TBC1D1: variants seen among roughly 807,000 people sequenced by gnomAD.
TBC1D1 encodes the protein TBC1 domain family member 1.
In TBC1D1, 89 loss-of-function variants were observed where a neutral mutation model predicts 125.6. The observed-to-expected ratio is 0.71, with a 90% CI of 0.60 to 0.85. TBC1D1 has a LOEUF of 0.85. Ranked by LOEUF, TBC1D1 falls within the 40% of genes least tolerant of loss-of-function variation. The pLI is 0.00. For synonymous variants in TBC1D1, 565 were observed against 564.1 expected (o/e 1.00, Z -0.02); for missense variants, 1,377 against 1,469.2 (o/e 0.94, Z 1.03).
At chr4:37,920,894 A>G (rs1411260417) in intron 2 of TBC1D1, among the ~76,000 whole-genome samples, 2 of 152,080 alleles carry the variant, frequency 1.3e-5, no homozygotes, top group Non-Finnish European at 1.5e-5. Context: ...GCCGATCACG[A>G]GGCCAGGAGA....
intron 14 of TBC1D1, among the ~76,000 whole-genome samples, chr4:38,098,340 C>G (rs1171345335): frequency 6.6e-6 from 1 of 152,228 alleles, no homozygotes; most frequent in Non-Finnish European, 1.5e-5. Flanking sequence ...TGATCACCTT[C>G]AGGTGTCTTT....
intron 8 of TBC1D1, among the ~76,000 whole-genome samples, chr4:38,043,452 A>C (rs1192891845): frequency 6.6e-6 from 1 of 151,852 alleles, no homozygotes; most frequent in Non-Finnish European, 1.5e-5. Flanking sequence ...ACAAAAAATT[A>C]GCTGTGTGTA....
chr4:37,932,583 T>G (rs561207077), intron 2 of TBC1D1, among the ~76,000 whole-genome samples: 31 of 152,334 alleles, frequency 2.0e-4, no homozygotes, highest in Non-Finnish European at 3.8e-4. Context: ...TTGTGTCATT[T>G]CAGAGCAGGA....
At position 38,098,924 on chromosome 4, in the gene TBC1D1, G is replaced by A. The variant is rs892194115; in HGVS notation, c.2398+2834G>A. ...AATTAGATGAGGGGCCAGGATTAGG[G>A]TATCAATTTAGGAGAAGATAACATA... On this transcript the variant is annotated intron_variant, in intron 14 of 19. Transcript: ENST00000261439. 2.6e-5 allele frequency among the ~76,000 whole-genome samples: 4 copies of A among 152,128 alleles called. No homozygotes were observed. The South Asian group carries it at 8.3e-4, about 31-fold the overall frequency.
intron 2 of TBC1D1, among the ~76,000 whole-genome samples, chr4:37,915,235 G>C (rs1719473171): frequency 6.6e-6 from 1 of 152,112 alleles, no homozygotes; most frequent in African/African-American, 2.4e-5. Context: ...TCATCTAGAA[G>C]CTCCTGTATT....
intron 18 of TBC1D1, among the ~76,000 whole-genome samples, chr4:38,132,069 G>A (rs1301030343): frequency 2.6e-5 from 4 of 152,190 alleles, no homozygotes; most frequent in African/African-American, 9.7e-5. Context: ...AGAAGAAGTA[G>A]TTTTACACTG....
In TBC1D1 at chr4:38,090,013, AG is replaced by A; in HGVS notation, c.2134del (p.Glu712LysfsTer41). 1.2e-6 allele frequency: 2 copies of A among 1,614,158 alleles called. No individual in the cohort carries two copies. The highest frequency in any genetic ancestry group is 1.7e-6 in the Non-Finnish European group (2 of 1,180,016). On this transcript the variant is annotated frameshift_variant, in exon 13 of 20. Transcript: ENST00000261439. LOFTEE classifies it high-confidence loss of function. Reference sequence around the variant, plus strand: ...GATGGGCCCTTTGGCCCCCCACCAGAGGAAAAGAAAAGGACATCTCGTGAGC... The same window carrying A: ...GATGGGCCCTTTGGCCCCCCACCAGAGAAAAGAAAAGGACATCTCGTGAGC...
At chr4:38,090,260 C>A in intron 13 of TBC1D1, 143 bp downstream of exon 15, 1 of 758,156 alleles carries the variant, frequency 1.3e-6, no homozygotes, top group Non-Finnish European at 2.1e-6. Context: ...TTTACTTTTT[C>A]AGAGTAATAT....
At chr4:38,114,041 C>G (rs1015197863) in intron 15 of TBC1D1, among the ~76,000 whole-genome samples, 1 of 136,616 alleles carries the variant, frequency 7.3e-6, no homozygotes, top group Non-Finnish European at 1.6e-5. Context: ...ACCCATTGTT[C>G]TACACACACA....
chr4:38,037,434 T>A (rs1235036248), intron 8 of TBC1D1, among the ~76,000 whole-genome samples: 1 of 152,028 alleles, frequency 6.6e-6, no homozygotes, highest in African/African-American at 2.4e-5. Flanking sequence ...CCTAATCCCC[T>A]GATGAGGTTG....
intron 12 of TBC1D1, among the ~76,000 whole-genome samples, chr4:38,071,896 C>T (rs2152511969): frequency 6.6e-6 from 1 of 152,278 alleles, no homozygotes; most frequent in South Asian, 2.1e-4. Flanking sequence ...AAAGACCATA[C>T]CCCCAGGAGC....
intron 2 of TBC1D1, among the ~76,000 whole-genome samples, chr4:37,993,354 C>T (rs1398069577): frequency 3.9e-5 from 6 of 152,236 alleles, no homozygotes; most frequent in East Asian, 1.9e-4. Flanking sequence ...CATTACCCTG[C>T]GCCTCCCCTT....
chr4:37,942,448 A>G, intron 2 of TBC1D1, among the ~76,000 whole-genome samples: 1 of 152,108 alleles, frequency 6.6e-6, no homozygotes, highest in East Asian at 1.9e-4. Flanking sequence ...TCCCGAGTAC[A>G]GCACACTGAT....
At position 38,137,321 on chromosome 4, in the gene TBC1D1, C is replaced by T. The variant is rs1766815477; in HGVS notation, c.3493C>T (p.Pro1165Ser). 1.9e-6 allele frequency: 3 copies of T among 1,610,708 alleles called. No homozygotes were observed. The East Asian group carries it at 6.7e-5, about 36-fold the overall frequency. The change falls in exon 20 of 20, where the codon CCC becomes TCC. Residue 1165 changes from proline to serine, a missense_variant. Around this residue, in one of 3 missense-constraint regions of TBC1D1, gnomAD observed 543 missense variants for 613.5 expected, o/e 0.89. Coordinates refer to ENST00000261439, the MANE Select transcript of TBC1D1 (RefSeq NM_015173.4). ...GGAGCCTGAGTGCACGCAGCCCGAGCCCACGGGCGACTGACAGCTCTGCAG... is the reference window on the plus strand; with the variant it reads ...GGAGCCTGAGTGCACGCAGCCCGAGTCCACGGGCGACTGACAGCTCTGCAG...
At chr4:37,998,787 A>G (rs1032163086) in intron 2 of TBC1D1, among the ~76,000 whole-genome samples, 2 of 152,230 alleles carry the variant, frequency 1.3e-5, no homozygotes, top group Admixed American at 6.5e-5. Flanking sequence ...GGCCTCTGGC[A>G]CACAGTGGGC....
intron 12 of TBC1D1, among the ~76,000 whole-genome samples, chr4:38,059,634 C>G (rs1752399653): frequency 6.6e-6 from 1 of 152,198 alleles, no homozygotes; most frequent in African/African-American, 2.4e-5. Context: ...AAGGACCATT[C>G]ATTCTTGGTA....
At chr4:37,915,288 C>G (rs539560169) in intron 2 of TBC1D1, among the ~76,000 whole-genome samples, 2 of 152,298 alleles carry the variant, frequency 1.3e-5, no homozygotes, top group Non-Finnish European at 2.9e-5. Context: ...GGATACACAT[C>G]ATAAAGTACT....
At chr4:38,015,354 AT>A (rs1742480713) in intron 3 of TBC1D1, among the ~76,000 whole-genome samples, 1 of 152,152 alleles carries the variant, frequency 6.6e-6, no homozygotes, top group South Asian at 2.1e-4. Context: ...TAATATTTTT[AT>A]TTATGAAACA....
chr4:38,136,992 G>A, intron 19 of TBC1D1, 143 bp from the exon 22 acceptor site: 1 of 1,385,310 alleles, frequency 7.2e-7, no homozygotes, highest in African/African-American at 1.4e-5. Flanking sequence ...TTCCTGTGTG[G>A]CCAGAACTGA....
Sources: gnomAD v4.1 joint callset for allele counts (sites outside exome capture counted in the v4.1 genomes callset) on GRCh38, gnomAD v4.1.1 for gene constraint, gnomAD v4.1.1 regional missense constraint, MANE v1.5 for transcripts, NCBI Gene and HGNC (gene_info 2026-07-23, HGNC 2026-07-21) for gene names.